DCC: variants seen among roughly 807,000 people sequenced by gnomAD.
DCC encodes the protein DCC netrin 1 receptor.
Under a neutral mutation model 172.5 loss-of-function variants are expected in DCC, and 58 were observed. That is an observed-to-expected ratio of 0.34 (90% CI 0.27 to 0.42). The LOEUF (loss-of-function observed/expected upper bound fraction) is 0.42, where lower values mean the gene tolerates loss of function less well. Among genes scored for constraint, DCC ranks in the 10% least tolerant of loss-of-function variants. The probability of loss-of-function intolerance (pLI) is 1.00; values close to 1 mark genes in which losing one functional copy is unlikely to be tolerated. For synonymous variants in DCC, 709 were observed against 644.5 expected (o/e 1.10, Z -1.52); for missense variants, 1,740 against 1,791.0 (o/e 0.97, Z 0.51).
intron 5 of DCC, among the ~76,000 whole-genome samples, chr18:52,973,101 T>C (rs2041056922): frequency 6.6e-6 from 1 of 152,234 alleles, no homozygotes; most frequent in African/African-American, 2.4e-5. Flanking sequence ...ATTCAATCAA[T>C]GTTTGTTGAA....
At chr18:53,501,357 T>C (rs1311789633) in intron 27 of DCC, among the ~76,000 whole-genome samples, 1 of 152,222 alleles carries the variant, frequency 6.6e-6, no homozygotes, top group Non-Finnish European at 1.5e-5. Context: ...ATCTTTTCCC[T>C]GCTCTCCTGG....
intron 7 of DCC, among the ~76,000 whole-genome samples, chr18:53,140,425 C>A (rs1212441096): frequency 6.6e-6 from 1 of 152,020 alleles, no homozygotes; most frequent in Non-Finnish European, 1.5e-5. Flanking sequence ...AAATTGAGAG[C>A]AGAATAACGA....
chr18:53,016,465 C>T (rs2041808808), intron 5 of DCC, among the ~76,000 whole-genome samples: 1 of 151,966 alleles, frequency 6.6e-6, no homozygotes, highest in Non-Finnish European at 1.5e-5. Flanking sequence ...TTAAATGATA[C>T]ATGTCCTTGA....
At chr18:52,821,165 C>T (rs939198801) in intron 2 of DCC, among the ~76,000 whole-genome samples, 5 of 152,218 alleles carry the variant, frequency 3.3e-5, no homozygotes, top group Admixed American at 6.5e-5. Context: ...AAAAAGAATG[C>T]TGTCATTCTT....
intron 1 of DCC, among the ~76,000 whole-genome samples, chr18:52,380,660 C>T (rs1985547047): frequency 1.3e-5 from 2 of 152,106 alleles, no homozygotes; most frequent in Admixed American, 1.3e-4. Flanking sequence ...TGTAGACTGT[C>T]CTTGGGCCTC....
At chr18:52,727,757 G>A (rs2036573218) in intron 1 of DCC, among the ~76,000 whole-genome samples, 1 of 152,158 alleles carries the variant, frequency 6.6e-6, no homozygotes, top group Non-Finnish European at 1.5e-5. Context: ...CAGGGATTTT[G>A]TTGGTGGTGC....
intron 1 of DCC, among the ~76,000 whole-genome samples, chr18:52,506,587 G>T (rs1349429141): frequency 6.6e-6 from 1 of 152,008 alleles, no homozygotes; most frequent in Non-Finnish European, 1.5e-5. Flanking sequence ...AAAGGTATTT[G>T]CCTATGTTAC....
At chr18:53,352,411 G>C (rs1186413223) in intron 15 of DCC, among the ~76,000 whole-genome samples, 1 of 151,944 alleles carries the variant, frequency 6.6e-6, no homozygotes, top group Admixed American at 6.6e-5. Flanking sequence ...TAATTATTTA[G>C]GATTGTTATG....
At chr18:53,344,489 C>T (rs2057700051) in intron 15 of DCC, among the ~76,000 whole-genome samples, 1 of 127,132 alleles carries the variant, frequency 7.9e-6, no homozygotes. Context: ...GTTGCCCAGG[C>T]TGGAGTGCAG....
At chr18:52,874,309 G>A (rs2039369113) in intron 2 of DCC, among the ~76,000 whole-genome samples, 1 of 152,050 alleles carries the variant, frequency 6.6e-6, no homozygotes, top group Admixed American at 6.6e-5. Flanking sequence ...ACATTATAAA[G>A]ACCAATTTAA....
intron 7 of DCC, among the ~76,000 whole-genome samples, chr18:53,139,621 G>C (rs898553892): frequency 2.0e-5 from 3 of 152,050 alleles, no homozygotes; most frequent in Non-Finnish European, 4.4e-5. Flanking sequence ...TAACTCAGTT[G>C]ACTTTCAAGC....
chr18:52,398,883 G>A (rs1366895328), intron 1 of DCC, among the ~76,000 whole-genome samples: 1 of 151,802 alleles, frequency 6.6e-6, no homozygotes. Context: ...GGAGATGGGT[G>A]CACCAAAATC....
At chr18:53,060,973 TA>T (rs1179095889) in intron 5 of DCC, among the ~76,000 whole-genome samples, 3 of 152,158 alleles carry the variant, frequency 2.0e-5, no homozygotes, top group Admixed American at 2.0e-4. Flanking sequence ...TACATACACA[TA>T]AACAGACATA....
At chr18:53,016,165 G>A (rs72932047) in intron 5 of DCC, among the ~76,000 whole-genome samples, 7,550 of 152,090 alleles carry the variant, frequency 0.05, 329 homozygotes, top group East Asian at 0.21. Context: ...GAAAATATAT[G>A]GAAGTGGGTG....
At chr18:52,646,949 A>G (rs2035030251) in intron 1 of DCC, among the ~76,000 whole-genome samples, 1 of 152,190 alleles carries the variant, frequency 6.6e-6, no homozygotes, top group African/African-American at 2.4e-5. Flanking sequence ...CCACTCCAAG[A>G]CACTTCGATA....
Position 53,483,871 on chromosome 18 carries a change from C to G in DCC, c.3737-2926C>G, listed in dbSNP as rs371641274. Among the ~76,000 whole-genome samples the G allele has an allele frequency of 3.3e-5, 5 of 151,704 alleles. No homozygotes were observed. The East Asian group carries it at 9.7e-4, about 29-fold the overall frequency. Reference sequence around the variant, plus strand: ...CTTTTTGTACATTAATTGCATACATCCATGTATGAATGTTGCTTATTGCAT... The same window carrying G: ...CTTTTTGTACATTAATTGCATACATGCATGTATGAATGTTGCTTATTGCAT... On this transcript the variant is annotated intron_variant, in intron 25 of 28. Transcript: ENST00000442544.
intron 8 of DCC, among the ~76,000 whole-genome samples, chr18:53,178,250 A>G (rs1000228026): frequency 6.6e-6 from 1 of 152,222 alleles, no homozygotes; most frequent in Non-Finnish European, 1.5e-5. Context: ...TCATCTCTTA[A>G]TACGCACTAT....
At chr18:52,626,832 T>C (rs1222840623) in intron 1 of DCC, among the ~76,000 whole-genome samples, 1 of 152,192 alleles carries the variant, frequency 6.6e-6, no homozygotes, top group Non-Finnish European at 1.5e-5. Flanking sequence ...TTAAAGTATA[T>C]GGGAGAAAGT....
intron 1 of DCC, among the ~76,000 whole-genome samples, chr18:52,534,589 A>G (rs1306583114): frequency 1.3e-5 from 2 of 152,186 alleles, no homozygotes; most frequent in East Asian, 1.9e-4. Context: ...TTAGGCCCGC[A>G]GTAGGTGCTG....
Sources: gnomAD v4.1 joint callset for allele counts (sites outside exome capture counted in the v4.1 genomes callset) on GRCh38, gnomAD v4.1.1 for gene constraint, MANE v1.5 for transcripts, NCBI Gene and HGNC (gene_info 2026-07-23, HGNC 2026-07-21) for gene names.